Variants in NRG1 observed in about 807,000 individuals in gnomAD.
The protein encoded by NRG1 is neuregulin 1, also known as pro-neuregulin-1, membrane-bound isoform.
In NRG1, 18 loss-of-function variants were observed where a neutral mutation model predicts 63.8. That is an observed-to-expected ratio of 0.28 (90% CI 0.19 to 0.42). NRG1 has a LOEUF of 0.42. Ranked by LOEUF, NRG1 falls within the 10% of genes least tolerant of loss-of-function variation. The pLI is 1.00. For synonymous variants in NRG1, 302 were observed against 301.3 expected, an observed-to-expected ratio of 1.00 and a Z score of -0.02; for missense variants, 762 against 814.7, an observed-to-expected ratio of 0.94 and a Z score of 0.79.
intron 1 of NRG1, among the ~76,000 whole-genome samples, chr8:31,914,979 A>T (rs1474385796): frequency 6.6e-6 from 1 of 152,090 alleles, no homozygotes; most frequent in Non-Finnish European, 1.5e-5. Flanking sequence ...TCCCACAATT[A>T]TCAGTTATGT....
chr8:32,578,671 A>G (rs2129530225), intron 1 of NRG1, among the ~76,000 whole-genome samples: 1 of 152,252 alleles, frequency 6.6e-6, no homozygotes, highest in South Asian at 2.1e-4. Flanking sequence ...TGATGTCTCT[A>G]TAGCTTTTAA....
intron 1 of NRG1, among the ~76,000 whole-genome samples, chr8:32,027,098 A>G (rs115537225): frequency 0.025 from 3,840 of 151,940 alleles, 52 homozygotes; most frequent in African/African-American, 0.044. Flanking sequence ...TTGTCTTTGA[A>G]TTTTGTTTTA....
chr8:32,130,098 A>G (rs1389573834), intron 1 of NRG1, among the ~76,000 whole-genome samples: 1 of 151,968 alleles, frequency 6.6e-6, no homozygotes, highest in African/African-American at 2.4e-5. Context: ...TCGTTTATTC[A>G]GATTTCCAAA....
chr8:32,405,137 G>A (rs1306874186), intron 1 of NRG1, among the ~76,000 whole-genome samples: 3 of 152,136 alleles, frequency 2.0e-5, no homozygotes, highest in African/African-American at 4.8e-5. Context: ...GTTGCCTCTG[G>A]TCCACCTTAA....
intron 1 of NRG1, among the ~76,000 whole-genome samples, chr8:32,538,731 A>G (rs1832275970): frequency 6.6e-6 from 1 of 152,236 alleles, no homozygotes; most frequent in South Asian, 2.1e-4. Flanking sequence ...AATTAAATGT[A>G]AATTGTGAAT....
At chr8:32,561,769 C>A (rs1273745310) in intron 1 of NRG1, among the ~76,000 whole-genome samples, 3 of 150,532 alleles carry the variant, frequency 2.0e-5, no homozygotes, top group Non-Finnish European at 4.4e-5. Flanking sequence ...GGTCAAAGGC[C>A]TCCTAGTCCA....
chr8:32,675,766 C>G (rs1327570846), intron 5 of NRG1, among the ~76,000 whole-genome samples: 1 of 152,158 alleles, frequency 6.6e-6, no homozygotes, highest in Non-Finnish European at 1.5e-5. Context: ...CTATTACAAA[C>G]ACGCATTTAT....
At chr8:32,176,921 G>A (rs1267315487) in intron 1 of NRG1, among the ~76,000 whole-genome samples, 6 of 152,118 alleles carry the variant, frequency 3.9e-5, no homozygotes, top group East Asian at 1.9e-4. Context: ...TCAGTGTGGC[G>A]ATTCCTCAGG....
chr8:31,915,589 T>C (rs1021694219), intron 1 of NRG1, among the ~76,000 whole-genome samples: 1 of 152,162 alleles, frequency 6.6e-6, no homozygotes, highest in Non-Finnish European at 1.5e-5. Flanking sequence ...TTAATTTGGA[T>C]ATTTCCCAAT....
At chr8:31,919,000 G>C (rs1010948484) in intron 1 of NRG1, among the ~76,000 whole-genome samples, 1 of 152,068 alleles carries the variant, frequency 6.6e-6, no homozygotes, top group African/African-American at 2.4e-5. Flanking sequence ...AGAGGTGTTT[G>C]TAGTATTATC....
At chr8:32,166,468 A>G (rs1349736023) in intron 1 of NRG1, among the ~76,000 whole-genome samples, 1 of 151,980 alleles carries the variant, frequency 6.6e-6, no homozygotes, top group Non-Finnish European at 1.5e-5. Flanking sequence ...TTCTCCTTCT[A>G]CTGTCAACAC....
At chr8:31,771,558 A>G (rs1490247362) in intron 1 of NRG1, among the ~76,000 whole-genome samples, 1 of 152,198 alleles carries the variant, frequency 6.6e-6, no homozygotes, top group Non-Finnish European at 1.5e-5. Flanking sequence ...GATTGCTATG[A>G]TGACTAATTT....
chr8:32,309,322 C>T (rs987221528), intron 1 of NRG1, among the ~76,000 whole-genome samples: 2 of 152,114 alleles, frequency 1.3e-5, no homozygotes, highest in African/African-American at 4.8e-5. Context: ...CACCCCCCCA[C>T]CCCAAATATC....
At chr8:31,731,962 A>G (rs1814120087) in intron 1 of NRG1, among the ~76,000 whole-genome samples, 1 of 152,200 alleles carries the variant, frequency 6.6e-6, no homozygotes, top group African/African-American at 2.4e-5. Flanking sequence ...GTAAGATGTA[A>G]TCAACCAGCG....
intron 1 of NRG1, among the ~76,000 whole-genome samples, chr8:31,989,980 G>C (rs1810783203): frequency 6.6e-6 from 1 of 152,086 alleles, no homozygotes; most frequent in African/African-American, 2.4e-5. Context: ...TGAGAGCATT[G>C]CAAATATAGT....
chr8:32,625,772 C>CTCTTTTTTTTTTTTTCTTTTT (rs1294914232), intron 5 of NRG1, among the ~76,000 whole-genome samples: 1 of 138,248 alleles, frequency 7.2e-6, no homozygotes, highest in Non-Finnish European at 1.5e-5. Context: ...AACTTTCCCT[C>CTCTTTTTTTTTTTTTCTTTTT]TCTTTTTTTT....
intron 1 of NRG1, among the ~76,000 whole-genome samples, chr8:31,959,998 T>C (rs1805180955): frequency 6.6e-6 from 1 of 152,006 alleles, no homozygotes. Context: ...AACTGAGTTT[T>C]GTGAGAAGAG....
intron 1 of NRG1, among the ~76,000 whole-genome samples, chr8:31,652,952 CTT>C: frequency 3.0e-5 from 1 of 33,224 alleles, no homozygotes. Context: ...TCCTTCCTCT[CTT>C]CTCTCCTCTC....
At position 31,811,009 on chromosome 8, in the gene NRG1, C is replaced by T. The variant is rs138408680; in HGVS notation, c.37+171578C>T. ...ATGAATATCTTAAGCTTTATGGTGC[C>T]TCTCTCTCTATAGTTTGGCTATGAG... On this transcript the variant is annotated intron_variant, in intron 1 of 10. Transcript: ENST00000519301. 4.6e-5 allele frequency among the ~76,000 whole-genome samples: 7 copies of T among 152,218 alleles called. No individual in the cohort carries two copies. The East Asian group carries it at 1.2e-3, about 25-fold the overall frequency.
Sources: allele counts gnomAD v4.1 joint callset (sites outside exome capture counted in the v4.1 genomes callset), GRCh38; gene constraint gnomAD v4.1.1; transcripts MANE v1.5; gene names NCBI Gene and HGNC (gene_info 2026-07-23, HGNC 2026-07-21).